Variants in MED13L observed in about 807,000 individuals in gnomAD.
MED13L encodes mediator of RNA polymerase II transcription subunit 13-like.
A neutral mutation model predicts 220.9 loss-of-function variants in MED13L; 7 were observed. The ratio of observed to expected loss-of-function variants is 0.03; its 90% CI spans 0.02 to 0.06. The LOEUF (loss-of-function observed/expected upper bound fraction) is 0.06, where lower values mean the gene tolerates loss of function less well. Among genes scored for constraint, MED13L ranks in the 10% least tolerant of loss-of-function variants. The pLI, the probability that MED13L is intolerant of heterozygous loss-of-function variation, is 1.00. For synonymous variants in MED13L, 1,011 were observed against 1,015.2 expected (o/e 1.00, Z 0.08); for missense variants, 1,965 against 2,760.5 (o/e 0.71, Z 6.46).
chr12:116,239,800 T>C (rs1171850716), intron 1 of MED13L, among the ~76,000 whole-genome samples: 1 of 152,220 alleles, frequency 6.6e-6, no homozygotes, highest in Non-Finnish European at 1.5e-5. Flanking sequence ...TGCATATCTT[T>C]TAAAATATCG....
intron 4 of MED13L, among the ~76,000 whole-genome samples, chr12:116,037,785 G>A (rs1024555317): frequency 6.6e-6 from 1 of 152,170 alleles, no homozygotes; most frequent in Admixed American, 6.5e-5. Context: ...CACTTATTAA[G>A]AGCAAGTGAT....
chr12:116,002,855 C>T lies in MED13L; in HGVS notation c.2569+148G>A, dbSNP rs1027470029. On this transcript the variant is annotated intron_variant, in intron 14 of 30. Coordinates refer to ENST00000281928, the MANE Select transcript of MED13L (RefSeq NM_015335.5). ...TTAGCTGCCTGCCATCTCAGAACAC[C>T]AATTTATATAGGTTTTAATTCACAG... 1.2e-5 allele frequency: 8 copies of T among 692,738 alleles called. No individual in the cohort carries two copies. The African/African-American group carries it at 1.4e-4, about 12-fold the overall frequency. The allele number at this position is 692,738 out of a possible 1,614,324, so 42.9% of individuals were successfully genotyped here.
At chr12:116,230,398 TCAA>T in intron 2 of MED13L, 2 of 823,752 alleles carry the variant, frequency 2.4e-6, no homozygotes, top group Non-Finnish European at 1.5e-6. Context: ...AGACTCCGTC[TCAA>T]CAACAATAAA....
rs79486603 is a variant in MED13L, at chr12:116,044,562, A to G, written c.480-21961T>C. 3.5e-3 allele frequency among the ~76,000 whole-genome samples: 530 copies of G among 152,356 alleles called. 1 individual carries two copies. The highest frequency in any genetic ancestry group is 7.5e-3 in the Admixed American group (115 of 15,310). On this transcript the variant is annotated intron_variant, in intron 4 of 30. Transcript: ENST00000281928. ...AGAACACACAACAGCATCTAAAGAC[A>G]GATTCAAAAGCCTGGCTAGATTATC...
At position 116,046,488 on chromosome 12, in the gene MED13L, A is replaced by G. The variant is rs80247435; in HGVS notation, c.480-23887T>C. ...TCTTTTGTTACCTTCGTTACTCAGC[A>G]CAACCCCAACTTCACATATATGAGA... is the stretch of plus-strand genomic sequence containing the variant. On this transcript the variant is annotated intron_variant, in intron 4 of 30. Transcript: ENST00000281928. 8.1e-3 allele frequency among the ~76,000 whole-genome samples: 1,236 copies of G among 152,314 alleles called. 24 individuals carry two copies. The highest frequency in any genetic ancestry group is 0.028 in the African/African-American group (1,165 of 41,554).
At chr12:116,242,048 CTTTT>C (rs767214989) in intron 1 of MED13L, among the ~76,000 whole-genome samples, 3 of 106,644 alleles carry the variant, frequency 2.8e-5, no homozygotes, top group Non-Finnish European at 5.7e-5. Context: ...GTTCTTTTGT[CTTTT>C]TTTTTTTTTT....
chr12:116,261,459 T>C (rs1327624984), intron 1 of MED13L, among the ~76,000 whole-genome samples: 2 of 148,446 alleles, frequency 1.3e-5, no homozygotes, highest in Non-Finnish European at 3.0e-5. Flanking sequence ...ATTGTGCCGC[T>C]GTACTCCAGC....
At chr12:116,209,061 C>T (rs531094616) in intron 2 of MED13L, among the ~76,000 whole-genome samples, 5 of 152,182 alleles carry the variant, frequency 3.3e-5, no homozygotes, top group African/African-American at 9.6e-5. Flanking sequence ...TATTAAAGCC[C>T]CCCATCAAGC....
chr12:116,015,553 T>C (rs758803463), intron 7 of MED13L, among the ~76,000 whole-genome samples: 3 of 152,116 alleles, frequency 2.0e-5, no homozygotes, highest in Admixed American at 6.5e-5. Flanking sequence ...CACACATACA[T>C]AGGCACTCCT....
chr12:115,988,051 A>C (rs1877818847), intron 17 of MED13L, among the ~76,000 whole-genome samples: 1 of 152,182 alleles, frequency 6.6e-6, no homozygotes, highest in Admixed American at 6.5e-5. Flanking sequence ...CTGCAGAAAG[A>C]GCTAATGACG....
chr12:116,159,521 A>ATAAT (rs1261779338), intron 2 of MED13L, among the ~76,000 whole-genome samples: 6 of 152,182 alleles, frequency 3.9e-5, no homozygotes, highest in African/African-American at 1.4e-4. Flanking sequence ...AAAATCTTCT[A>ATAAT]TAATTCACTT....
At position 115,996,466 on chromosome 12, in the gene MED13L, C is replaced by T. The variant is rs988070482; in HGVS notation, c.2996+10G>A. ...ATATGGCAAGTAAATGACACAATCC[C>T]TATACATACTTGTAGCCATCTCTAA... is the stretch of plus-strand genomic sequence containing the variant. On this transcript the variant is annotated intron_variant, in intron 16 of 30. Coordinates refer to ENST00000281928, the MANE Select transcript of MED13L (RefSeq NM_015335.5). 1 of 1,606,460 alleles carries T rather than the reference C, an allele frequency of 6.2e-7. No homozygotes were observed. Among genetic ancestry groups the T allele is most frequent in the Non-Finnish European group, 8.5e-7 (1 of 1,173,024 alleles).
intron 25 of MED13L, among the ~76,000 whole-genome samples, chr12:115,973,150 A>T (rs1285138387): frequency 6.6e-6 from 1 of 152,216 alleles, no homozygotes; most frequent in Non-Finnish European, 1.5e-5. Context: ...GGCCAGGAAC[A>T]TGAAGAATGT....
intron 2 of MED13L, among the ~76,000 whole-genome samples, chr12:116,117,331 GC>G (rs1219780312): frequency 1.3e-5 from 2 of 152,042 alleles, no homozygotes; most frequent in Admixed American, 6.5e-5. Context: ...GAGGGGTGAT[GC>G]CCCCCACTCT....
At chr12:116,236,758 A>G (rs947520562) in intron 2 of MED13L, 7 of 814,150 alleles carry the variant, frequency 8.6e-6, no homozygotes, top group African/African-American at 1.9e-5. Context: ...ACAACTGATA[A>G]AAGTTCCTGC....
intron 4 of MED13L, among the ~76,000 whole-genome samples, chr12:116,090,934 G>T (rs1336402958): frequency 6.6e-6 from 1 of 151,994 alleles, no homozygotes; most frequent in African/African-American, 2.4e-5. Flanking sequence ...AGACTAGCCT[G>T]GCCAACATGG....
intron 1 of MED13L, among the ~76,000 whole-genome samples, chr12:116,261,270 C>T (rs1319981767): frequency 2.6e-5 from 4 of 152,048 alleles, no homozygotes; most frequent in Non-Finnish European, 5.9e-5. Context: ...CCAAGGCAAG[C>T]GGATCACTTC....
chr12:116,171,518 G>C lies in MED13L; in HGVS notation c.311-60006C>G, dbSNP rs533050774. ...TTCCTCTCTAGGCTAAACAAATCCA[G>C]TTGCTTTAACCATTCCTCATTTACA... On this transcript the variant is annotated intron_variant, in intron 2 of 30. Transcript: ENST00000281928. Among the ~76,000 whole-genome samples, 6 of 152,222 alleles carry C rather than the reference G, an allele frequency of 3.9e-5. No individual in the cohort carries two copies. In the South Asian group the frequency reaches 1.2e-3, roughly 32 times the overall value.
chr12:116,104,999 T>C (rs770247800), intron 3 of MED13L, among the ~76,000 whole-genome samples: 26 of 152,258 alleles, frequency 1.7e-4, no homozygotes, highest in Non-Finnish European at 3.5e-4. Context: ...TCCAATATTT[T>C]ACTTTATTTT....
Sources: allele counts gnomAD v4.1 joint callset (sites outside exome capture counted in the v4.1 genomes callset), GRCh38; gene constraint gnomAD v4.1.1; transcripts MANE v1.5; gene names NCBI Gene and HGNC (gene_info 2026-07-23, HGNC 2026-07-21).